STC2: variants seen among roughly 807,000 people sequenced by gnomAD.
STC2 encodes stanniocalcin-2.
STC2 carries 7 observed loss-of-function variants against 22.7 expected under a neutral mutation model. That is an observed-to-expected ratio of 0.31 (90% confidence interval 0.18 to 0.58). The LOEUF (loss-of-function observed/expected upper bound fraction) is 0.58, where lower values mean the gene tolerates loss of function less well. STC2 is among the 20% of genes least tolerant of loss of function. STC2 has a pLI of 0.89. For synonymous variants in STC2, 158 were observed against 163.4 expected (o/e 0.97, Z 0.25); for missense variants, 336 against 406.2 (o/e 0.83, Z 1.48).
chr5:173,328,190 A>T lies in STC2; in HGVS notation c.4T>A (p.Cys2Ser), dbSNP rs778989259. Residue 2 changes from cysteine to serine, a missense_variant, in exon 1 of 4, where the codon TGT (cysteine) becomes AGT (serine). Physicochemically the swap from Cys to Ser is moderately radical, Grantham distance 112. Around this residue, in one of 3 missense-constraint regions of STC2, gnomAD observed 99 missense variants for 122.7 expected, o/e 0.81. Coordinates refer to ENST00000265087, the MANE Select transcript of STC2 (RefSeq NM_003714.3). M[C>S]AERLGQFMTL... ...ATGAACTGGCCCAGCCGCTCGGCAC[A>T]CATGGTTCTTGGTATTAACCTCCCG... 3 of 1,522,902 alleles carry T rather than the reference A, an allele frequency of 2.0e-6. No homozygotes were observed. The South Asian group carries it at 3.9e-5, about 20-fold the overall frequency. The allele number at this position is 1,522,902 out of a possible 1,614,324, so 94.3% of individuals were successfully genotyped here. A position where few individuals can be genotyped will look rare whatever the true frequency, so the allele number is the denominator to read the frequency against.
At position 173,323,702 on chromosome 5, in the gene STC2, T is replaced by C. The variant is rs1762513632; in HGVS notation, c.295-272A>G. 6.6e-6 allele frequency among the ~76,000 whole-genome samples: 1 copy of C among 152,196 alleles called. No homozygotes were observed. The highest frequency in any genetic ancestry group is 6.5e-5 in the Admixed American group (1 of 15,280). The stretch of plus-strand genomic sequence containing the variant: ...CCCTCCTTCCTCCCTGGCTACTCTG[T>C]GAGTTTCCCTCCAACGGGGGCTTCC... On this transcript the variant is annotated intron_variant, in intron 2 of 3. Transcript: ENST00000265087. This position sits in a 1 kb window ranked among gnomAD's most constrained non-coding sequence, Gnocchi z 5.4.
chr5:173,328,267 C>CGAGG lies in STC2; in HGVS notation c.-75_-74insCCTC. ...CCCTCTTCCTCCTCCTCCTCTTCCT[C>CGAGG]CTTCGCCGCTTCCCCTCCTCCTCCC... is the stretch of plus-strand genomic sequence containing the variant. On this transcript the variant is annotated 5_prime_UTR_variant, in exon 1 of 4. Transcript: ENST00000265087. 3.0e-6 allele frequency: 4 copies of CGAGG among 1,354,480 alleles called. No individual in the cohort carries two copies. The highest frequency in any genetic ancestry group is 3.8e-6 in the Non-Finnish European group (4 of 1,040,782). The allele number at this position is 1,354,480 out of a possible 1,614,324, so 83.9% of individuals were successfully genotyped here. A position where few individuals can be genotyped will look rare whatever the true frequency, so the allele number is the denominator to read the frequency against.
rs1288990739 is a variant in STC2 at position 173,315,252 on chromosome 5, GT to G, written c.*2594del. On this transcript the variant is annotated 3_prime_UTR_variant, in exon 4 of 4. Coordinates refer to ENST00000265087, the MANE Select transcript of STC2 (RefSeq NM_003714.3). ...GACTACTTTGCTTACATTTTAGATT[GT>G]GCAAATGTCTCAATCAATGCTTGCA... 1 of 152,152 alleles carries G rather than the reference GT, an allele frequency of 6.6e-6. No individual in the cohort carries two copies. Among genetic ancestry groups the G allele is most frequent in the East Asian group, 1.9e-4 (1 of 5,190 alleles). The allele number at this position is 152,152 out of a possible 1,614,324, so 9.4% of individuals were successfully genotyped here.
At chr5:173,321,863 C>T (rs1762491397) in intron 3 of STC2, among the ~76,000 whole-genome samples, 1 of 152,200 alleles carries the variant, frequency 6.6e-6, no homozygotes, top group Non-Finnish European at 1.5e-5. Flanking sequence ...GATGCTGTGG[C>T]TGCTATTGTT....
chr5:173,316,201 T>C lies in STC2; in HGVS notation c.*1646A>G, dbSNP rs1223404017. 2 of 152,166 alleles carry C rather than the reference T, an allele frequency of 1.3e-5. No individual in the cohort carries two copies. Among genetic ancestry groups the C allele is most frequent in the African/African-American group, 4.8e-5 (2 of 41,424 alleles). The allele number at this position is 152,166 out of a possible 1,614,324, so 9.4% of individuals were successfully genotyped here. ...TGGGAGCCTGTTAAATAAATCTTCC[T>C]GGAAGGGAGCCAAGCCCTCTCGTTT... is the stretch of plus-strand genomic sequence containing the variant. On this transcript the variant is annotated 3_prime_UTR_variant, in exon 4 of 4. Coordinates refer to ENST00000265087, the MANE Select transcript of STC2 (RefSeq NM_003714.3).
chr5:173,317,041 A>G lies in STC2; in HGVS notation c.*806T>C, dbSNP rs531995657. On this transcript the variant is annotated 3_prime_UTR_variant, in exon 4 of 4. Coordinates refer to ENST00000265087, the MANE Select transcript of STC2 (RefSeq NM_003714.3). ...GTTTTTTTTTTTTAAACCCCCTTTG[A>G]GCTGGTTTTAATGACCCAGTTGCTT... 1 of 151,872 alleles carries G rather than the reference A, an allele frequency of 6.6e-6. No individual in the cohort carries two copies. Among genetic ancestry groups the G allele is most frequent in the East Asian group, 1.9e-4 (1 of 5,164 alleles). 9.4% of individuals were successfully genotyped at this position (151,872 alleles called of 1,614,324 possible).
chr5:173,327,994 A>G (rs1317635018), intron 1 of STC2, 49 bp downstream of exon 1: 2 of 1,404,448 alleles, frequency 1.4e-6, no homozygotes, highest in East Asian at 5.5e-5. Flanking sequence ...GCGTGGGTGC[A>G]CGGTGTCCTC....
rs1197365745 is a variant in STC2, at chr5:173,323,322, A to C, written c.403T>G (p.Leu135Val). ...TGCTTGAGGTAGCATTCCCGCTGCA[A>C]CTGGGACACCATTTCCCTGATGGCC... is the stretch of plus-strand genomic sequence containing the variant. ...CPAIREMVSQ[L>V]QRECYLKHDL... The change falls in exon 3 of 4, where the codon TTG (leucine) becomes GTG (valine). Residue 135 changes from leucine to valine, a missense_variant. By Grantham distance (32) the Leu-to-Val change is conservative (BLOSUM62 1). Around this residue, in one of 3 missense-constraint regions of STC2, gnomAD observed 215 missense variants for 231.5 expected, o/e 0.93. Transcript: ENST00000265087. The surrounding 1 kb of genome is among the most constrained non-coding windows in gnomAD (Gnocchi z 5.4). The C allele has an allele frequency of 6.2e-7, 1 of 1,614,088 alleles. No homozygotes were observed. The highest frequency in any genetic ancestry group is 2.2e-5 in the East Asian group (1 of 44,886).
In STC2 at chr5:173,325,963, C is replaced by T. The variant is rs370833041; in HGVS notation, c.199G>A (p.Val67Met). The T allele has an allele frequency of 2.2e-5, 36 of 1,614,060 alleles. No individual in the cohort carries two copies. Among genetic ancestry groups the T allele is most frequent in the East Asian group, 6.7e-5 (3 of 44,894 alleles). The change falls in exon 2 of 4, where the codon GTG becomes ATG. Residue 67 changes from valine (V) to methionine (M), a missense_variant. Transcript: ENST00000265087. This position sits in a 1 kb window ranked among gnomAD's most constrained non-coding sequence, Gnocchi z 4.7. ...LVNAGDVGCG[V>M]FECFENNSCE... is the part of the protein sequence containing the mutation. ...GAGTTGTTCTCGAAACATTCAAACACGCCACACCCCACATCGCCAGCGTTG... is the reference window on the plus strand; with the variant it reads ...GAGTTGTTCTCGAAACATTCAAACATGCCACACCCCACATCGCCAGCGTTG...
intron 1 of STC2, 136 bp from the exon 2 acceptor site, chr5:173,326,146 G>GTAAT: frequency 1.0e-6 from 1 of 966,596 alleles, no homozygotes; most frequent in South Asian, 2.3e-5. Flanking sequence ...GACTATTTCA[G>GTAAT]GACCTAAAAA....
At chr5:173,320,803 C>T (rs1323388805) in intron 3 of STC2, among the ~76,000 whole-genome samples, 2 of 148,894 alleles carry the variant, frequency 1.3e-5, no homozygotes, top group Non-Finnish European at 3.0e-5. Context: ...AAATTCAGTT[C>T]TCTCTTTTTT....
intron 3 of STC2, among the ~76,000 whole-genome samples, chr5:173,320,805 CTCTT>C (rs1484083766): frequency 2.0e-5 from 3 of 148,110 alleles, no homozygotes; most frequent in Non-Finnish European, 4.5e-5. Flanking sequence ...ATTCAGTTCT[CTCTT>C]TTTTTTTTTT....
At position 173,328,108 on chromosome 5, in the gene STC2, T is replaced by C. The variant is rs1275687966; in HGVS notation, c.86A>G (p.Asn29Ser). 1.2e-6 allele frequency: 2 copies of C among 1,601,970 alleles called. No individual in the cohort carries two copies. The highest frequency in any genetic ancestry group is 1.7e-5 in the Admixed American group (1 of 58,716). ...CCTGTCTTGGGGACCCTCGGGTGGG[T>C]TGGTGGCGTCGGTCCCCCGCGCCGG... Reference protein sequence around the residue: ...FDPARGTDATNPPEGPQDRSS... With the variant: ...FDPARGTDATSPPEGPQDRSS... Residue 29 changes from asparagine to serine, a missense_variant, in exon 1 of 4, where the codon AAC (asparagine) becomes AGC (serine). Coordinates refer to ENST00000265087, the MANE Select transcript of STC2 (RefSeq NM_003714.3).
At chr5:173,320,744 G>T (rs1057097085) in intron 3 of STC2, among the ~76,000 whole-genome samples, 1 of 151,812 alleles carries the variant, frequency 6.6e-6, no homozygotes, top group Admixed American at 6.6e-5. Context: ...AATGGGGGTG[G>T]TGCAGATTCT....
At chr5:173,324,445 G>C (rs1027638719) in intron 2 of STC2, among the ~76,000 whole-genome samples, 1 of 152,238 alleles carries the variant, frequency 6.6e-6, no homozygotes, top group African/African-American at 2.4e-5. Context: ...GTTTAGGTTG[G>C]AAGTGGGAAG....
rs1025313897 is a variant in STC2 at position 173,325,556 on chromosome 5, T to C, written c.294+312A>G. The stretch of plus-strand genomic sequence containing the variant: ...GACTTCTGAAATGTATAATTGGGGG[T>C]TCCTGCCCCTGCCTCTCATGCAGTG... On this transcript the variant is annotated intron_variant, in intron 2 of 3. Coordinates refer to ENST00000265087, the MANE Select transcript of STC2 (RefSeq NM_003714.3). This position sits in a 1 kb window ranked among gnomAD's most constrained non-coding sequence, Gnocchi z 4.7. Among the ~76,000 whole-genome samples the C allele has an allele frequency of 6.6e-6, 1 of 152,188 alleles. No individual in the cohort carries two copies. The highest frequency in any genetic ancestry group is 1.5e-5 in the Non-Finnish European group (1 of 68,032).
chr5:173,321,418 G>A (rs1289517505), intron 3 of STC2, among the ~76,000 whole-genome samples: 2 of 152,184 alleles, frequency 1.3e-5, no homozygotes, highest in Non-Finnish European at 2.9e-5. Context: ...TGAAGCTCAC[G>A]GTGTTTCCTA....
At position 173,318,092 on chromosome 5, in the gene STC2, G is replaced by T. The variant is rs779102299; in HGVS notation, c.664C>A (p.Pro222Thr). The T allele has an allele frequency of 1.9e-6, 3 of 1,606,938 alleles. No individual in the cohort carries two copies. The highest frequency in any genetic ancestry group is 3.4e-5 in the Admixed American group (2 of 58,522). ...TSAIQKPPTAPPERQPQVDRT... is the reference protein window; with the variant it reads ...TSAIQKPPTATPERQPQVDRT... Reference sequence around the variant, plus strand: ...TCCACCTGGGGCTGGCGCTCGGGGGGCGCCGTGGGAGGCTTCTGGATGGCC... The same window carrying T: ...TCCACCTGGGGCTGGCGCTCGGGGGTCGCCGTGGGAGGCTTCTGGATGGCC... The change falls in exon 4 of 4, where the codon CCC (proline) becomes ACC (threonine). Residue 222 changes from proline (P) to threonine (T), a missense_variant. Physicochemically the swap from Pro to Thr is conservative, Grantham distance 38. Around this residue, in one of 3 missense-constraint regions of STC2, gnomAD observed 215 missense variants for 231.5 expected, o/e 0.93. Coordinates refer to ENST00000265087, the MANE Select transcript of STC2 (RefSeq NM_003714.3).
At chr5:173,321,599 A>C (rs1762486394) in intron 3 of STC2, among the ~76,000 whole-genome samples, 1 of 152,236 alleles carries the variant, frequency 6.6e-6, no homozygotes, top group East Asian at 1.9e-4. Context: ...GCAGGTTTGA[A>C]GTCTATTCCT....
Sources: allele counts gnomAD v4.1 joint callset (sites outside exome capture counted in the v4.1 genomes callset), GRCh38; gene constraint gnomAD v4.1.1; regional missense constraint gnomAD v4.1.1; non-coding constraint Gnocchi (gnomAD v3.1); transcripts MANE v1.5; gene names NCBI Gene and HGNC (gene_info 2026-07-23, HGNC 2026-07-21).